The following N4BP1 variants were observed in gnomAD, a reference collection of about 807,000 sequenced individuals.
The protein encoded by N4BP1 is NEDD4 binding protein 1.
In N4BP1, 21 loss-of-function variants were observed where a neutral mutation model predicts 70.9. The ratio of observed to expected loss-of-function variants is 0.30; its 90% CI spans 0.21 to 0.43. The LOEUF is 0.43. Among genes scored for constraint, N4BP1 ranks in the 20% least tolerant of loss-of-function variants. The pLI is 1.00. For synonymous variants in N4BP1, 387 were observed against 394.6 expected (o/e 0.98, Z 0.23); for missense variants, 936 against 1,069.4 (o/e 0.88, Z 1.74).
intron 1 of N4BP1, among the ~76,000 whole-genome samples, chr16:48,595,817 G>A (rs769387593): frequency 3.3e-5 from 5 of 152,176 alleles, no homozygotes; most frequent in Non-Finnish European, 5.9e-5. Flanking sequence ...TACCTGTACA[G>A]GGTTCCTGAC....
rs1489592734 is a variant in N4BP1 at position 48,551,361 on chromosome 16, T to C, written c.2117+25A>G. The C allele has an allele frequency of 3.1e-6, 5 of 1,598,536 alleles. No individual in the cohort carries two copies. In the Admixed American group the frequency reaches 5.0e-5, roughly 16 times the overall value. On this transcript the variant is annotated intron_variant, in intron 4 of 6. Transcript: ENST00000262384. ...GCTCCTCACCACCCCACTCCAACCT[T>C]AGGAAGGAGAATGGCCTTTCATACC... is the stretch of plus-strand genomic sequence containing the variant.
chr16:48,594,001 C>CAAAAAAAAAAA lies in N4BP1; in HGVS notation c.198+15763_198+15773dup, dbSNP rs750355255. On this transcript the variant is annotated intron_variant, in intron 1 of 6. Transcript: ENST00000262384. ...TGGGTGCCAGAGCAAGACTCCGTCTCAAAAAAAAAAAAAAAAACAAAAAAA... is the reference window on the plus strand; with the variant it reads ...TGGGTGCCAGAGCAAGACTCCGTCTCAAAAAAAAAAAAAAAAAAAAAAAAAAAACAAAAAAA... Among the ~76,000 whole-genome samples, 4 of 42,520 alleles carry CAAAAAAAAAAA rather than the reference C, an allele frequency of 9.4e-5. 1 individual carries two copies. Among genetic ancestry groups the CAAAAAAAAAAA allele is most frequent in the African/African-American group, 3.5e-4 (4 of 11,344 alleles). 27.9% of individuals were successfully genotyped at this position (42,520 alleles called of 152,430 possible). A position where few individuals can be genotyped will look rare whatever the true frequency, so the allele number is the denominator to read the frequency against.
chr16:48,567,292 C>A (rs1465589422), intron 1 of N4BP1, among the ~76,000 whole-genome samples: 1 of 152,138 alleles, frequency 6.6e-6, no homozygotes, highest in Admixed American at 6.6e-5. Context: ...ATTATACAAA[C>A]ACTTAGTATA....
Position 48,588,938 on chromosome 16 carries a change from A to G in N4BP1, c.198+20837T>C, listed in dbSNP as rs552038584. Among the ~76,000 whole-genome samples, 25 of 152,308 alleles carry G rather than the reference A, an allele frequency of 1.6e-4. No individual in the cohort carries two copies. In the South Asian group the frequency reaches 5.2e-3, roughly 32 times the overall value. On this transcript the variant is annotated intron_variant, in intron 1 of 6. Coordinates refer to ENST00000262384, the MANE Select transcript of N4BP1 (RefSeq NM_153029.4). ...GACTTTGTGGTCCACAAAGTCTACA[A>G]TATTTATCATTTGGCTCTTTAGAGA...
intron 1 of N4BP1, among the ~76,000 whole-genome samples, chr16:48,586,497 C>T (rs1597107617): frequency 1.3e-5 from 2 of 152,140 alleles, no homozygotes; most frequent in Admixed American, 1.3e-4. Context: ...GATTAGTTTA[C>T]CCTTGTCTAT....
At chr16:48,587,829 G>T (rs1307899280) in intron 1 of N4BP1, among the ~76,000 whole-genome samples, 1 of 152,190 alleles carries the variant, frequency 6.6e-6, no homozygotes. Context: ...TATGGTGCAG[G>T]ATCTCAGCCT....
intron 1 of N4BP1, among the ~76,000 whole-genome samples, chr16:48,589,315 C>T (rs11643726): frequency 0.069 from 10,491 of 152,120 alleles, 449 homozygotes; most frequent in Middle Eastern, 0.11. Context: ...ATGACAGGGT[C>T]TCAACCCTAC....
chr16:48,557,731 T>A (rs1283261284), intron 2 of N4BP1, among the ~76,000 whole-genome samples: 1 of 152,108 alleles, frequency 6.6e-6, no homozygotes, highest in African/African-American at 2.4e-5. Flanking sequence ...AAAGTTTGAG[T>A]CCAGCCTGGG....
chr16:48,591,898 T>C (rs200067637), intron 1 of N4BP1, among the ~76,000 whole-genome samples: 7 of 149,136 alleles, frequency 4.7e-5, no homozygotes, highest in East Asian at 2.0e-4. Flanking sequence ...TTTTTTTTTT[T>C]TCCAAGTTTT....
At position 48,569,532 on chromosome 16, in the gene N4BP1, C is replaced by T. The variant is rs915876935; in HGVS notation, c.199-7088G>A. Among the ~76,000 whole-genome samples the T allele has an allele frequency of 3.9e-5, 6 of 152,226 alleles. No homozygotes were observed. The East Asian group carries it at 7.7e-4, about 20-fold the overall frequency. ...TCAGCCTCCCAAGTAGCTGAGAACA[C>T]AGGCACATGCCACCACGCCTGGCTA... On this transcript the variant is annotated intron_variant, in intron 1 of 6. Transcript: ENST00000262384.
At chr16:48,598,124 A>T (rs1567445677) in intron 1 of N4BP1, among the ~76,000 whole-genome samples, 1 of 152,204 alleles carries the variant, frequency 6.6e-6, no homozygotes. Context: ...CTTTAAAATG[A>T]CTGGGACACT....
Position 48,542,809 on chromosome 16 carries a change from G to C in N4BP1, c.*95C>G, listed in dbSNP as rs1963524013. The C allele has an allele frequency of 8.7e-7, 1 of 1,145,282 alleles. No homozygotes were observed. The highest frequency in any genetic ancestry group is 1.6e-5 in the African/African-American group (1 of 64,476). 70.9% of individuals were successfully genotyped at this position (1,145,282 alleles called of 1,614,324 possible). A position where few individuals can be genotyped will look rare whatever the true frequency, so the allele number is the denominator to read the frequency against. ...CAACTGCGTTTACACTGGGAAATAA[G>C]TTTCTTCACATTATGTTCATTCCCA... is the stretch of plus-strand genomic sequence containing the variant. On this transcript the variant is annotated 3_prime_UTR_variant, in exon 7 of 7. Coordinates refer to ENST00000262384, the MANE Select transcript of N4BP1 (RefSeq NM_153029.4).
At chr16:48,591,563 A>G (rs1234582561) in intron 1 of N4BP1, among the ~76,000 whole-genome samples, 1 of 152,054 alleles carries the variant, frequency 6.6e-6, no homozygotes, top group East Asian at 1.9e-4. Flanking sequence ...AAATTTAAAA[A>G]GAGCTCTATG....
chr16:48,555,739 C>T (rs1471877051), intron 2 of N4BP1, among the ~76,000 whole-genome samples: 1 of 152,214 alleles, frequency 6.6e-6, no homozygotes, highest in South Asian at 2.1e-4. Context: ...ACAGCAGGGA[C>T]ATGCCCAGAG....
intron 1 of N4BP1, chr16:48,587,312 G>A (rs1424081938): frequency 6.6e-6 from 1 of 152,176 alleles, no homozygotes; most frequent in Non-Finnish European, 1.5e-5. Context: ...ATTCAGTCGA[G>A]ATTTCTGGGA....
chr16:48,597,904 G>C (rs1964440510), intron 1 of N4BP1, among the ~76,000 whole-genome samples: 1 of 152,210 alleles, frequency 6.6e-6, no homozygotes, highest in Admixed American at 6.5e-5. Flanking sequence ...TGAAGAAAAA[G>C]TTTTGGTGGA....
intron 1 of N4BP1, among the ~76,000 whole-genome samples, chr16:48,582,865 T>G (rs1183718126): frequency 2.0e-5 from 3 of 151,836 alleles, no homozygotes; most frequent in African/African-American, 2.4e-5. Context: ...AGGCCAGGAG[T>G]TTGAGCTCAG....
intron 1 of N4BP1, among the ~76,000 whole-genome samples, chr16:48,566,761 A>G (rs1275758507): frequency 6.6e-6 from 1 of 151,930 alleles, no homozygotes; most frequent in Admixed American, 6.6e-5. Flanking sequence ...ATCCTCATTT[A>G]TTTTCTGTTT....
intron 1 of N4BP1, among the ~76,000 whole-genome samples, chr16:48,604,610 AAAAC>A (rs1487389521): frequency 1.2e-4 from 18 of 144,156 alleles, no homozygotes; most frequent in African/African-American, 4.5e-4. Context: ...GGTAAAAAAA[AAAAC>A]AAAAACAAAA....
Sources: gnomAD v4.1 joint callset for allele counts (sites outside exome capture counted in the v4.1 genomes callset) on GRCh38, gnomAD v4.1.1 for gene constraint, MANE v1.5 for transcripts, NCBI Gene and HGNC (gene_info 2026-07-23, HGNC 2026-07-21) for gene names.